ZNF804A: variants seen among roughly 807,000 people sequenced by gnomAD.
The protein encoded by ZNF804A is zinc finger protein 804A.
In ZNF804A, 2 loss-of-function variants were observed where a neutral mutation model predicts 16.5. The ratio of observed to expected loss-of-function variants is 0.12; its 90% CI spans 0.05 to 0.38. The LOEUF is 0.38. ZNF804A is among the 10% of genes least tolerant of loss of function. The probability of loss-of-function intolerance (pLI) is 0.99; values close to 1 mark genes in which losing one functional copy is unlikely to be tolerated. For synonymous variants in ZNF804A, 534 were observed against 489.6 expected (o/e 1.09, Z -1.20); for missense variants, 1,473 against 1,390.7 (o/e 1.06, Z -0.94).
intron 2 of ZNF804A, among the ~76,000 whole-genome samples, chr2:184,926,743 ATCTTCAAGC>A (rs1015072816): frequency 1.9e-4 from 29 of 152,108 alleles, no homozygotes; most frequent in Non-Finnish European, 2.9e-5. Flanking sequence ...TAAATAGCCT[ATCTTCAAGC>A]TCACTAATTT....
At chr2:184,694,341 G>A (rs894195017) in intron 1 of ZNF804A, among the ~76,000 whole-genome samples, 1 of 151,948 alleles carries the variant, frequency 6.6e-6, no homozygotes, top group Admixed American at 6.6e-5. Flanking sequence ...ACCACAAATT[G>A]TTCTTTCACA....
chr2:184,630,864 T>TA (rs915326690), intron 1 of ZNF804A, among the ~76,000 whole-genome samples: 16 of 151,074 alleles, frequency 1.1e-4, no homozygotes, highest in Middle Eastern at 3.4e-3. Context: ...TCTGTCATTT[T>TA]AAAAAAAAAT....
At chr2:184,635,404 G>A (rs1207685466) in intron 1 of ZNF804A, among the ~76,000 whole-genome samples, 3 of 152,116 alleles carry the variant, frequency 2.0e-5, no homozygotes, top group African/African-American at 7.2e-5. Context: ...CTACAGTAAA[G>A]TAACTACTGC....
chr2:184,708,534 A>C (rs1693071115), intron 1 of ZNF804A, among the ~76,000 whole-genome samples: 1 of 152,134 alleles, frequency 6.6e-6, no homozygotes. Context: ...GTCAACAAAA[A>C]TAAGCAATGA....
chr2:184,641,336 C>G (rs1691792684), intron 1 of ZNF804A, among the ~76,000 whole-genome samples: 1 of 152,098 alleles, frequency 6.6e-6, no homozygotes. Flanking sequence ...AAACATTATG[C>G]TGAACCAAAG....
At chr2:184,800,219 A>G (rs1358882764) in intron 1 of ZNF804A, among the ~76,000 whole-genome samples, 1 of 151,988 alleles carries the variant, frequency 6.6e-6, no homozygotes, top group Non-Finnish European at 1.5e-5. Flanking sequence ...CTTACTCTTC[A>G]TAAAACTAGA....
intron 1 of ZNF804A, among the ~76,000 whole-genome samples, chr2:184,612,070 A>G (rs184739289): frequency 2.6e-5 from 4 of 152,282 alleles, no homozygotes; most frequent in Admixed American, 1.3e-4. Context: ...CTTTAATGTC[A>G]TAGCTAATTA....
chr2:184,667,287 G>A (rs1360518889), intron 1 of ZNF804A, among the ~76,000 whole-genome samples: 2 of 151,808 alleles, frequency 1.3e-5, no homozygotes, highest in East Asian at 3.9e-4. Flanking sequence ...CAGATCTCTT[G>A]TATAGACTTT....
chr2:184,693,873 G>A (rs1316746112), intron 1 of ZNF804A, among the ~76,000 whole-genome samples: 1 of 146,468 alleles, frequency 6.8e-6, no homozygotes, highest in Non-Finnish European at 1.5e-5. Flanking sequence ...CTAATCTCAT[G>A]AATACTCAAC....
At chr2:184,896,439 C>T (rs1341953888) in intron 2 of ZNF804A, among the ~76,000 whole-genome samples, 1 of 152,134 alleles carries the variant, frequency 6.6e-6, no homozygotes, top group Non-Finnish European at 1.5e-5. Context: ...GTTCCTGCTT[C>T]ATTTGTCATA....
chr2:184,701,669 A>G (rs1692921602), intron 1 of ZNF804A, among the ~76,000 whole-genome samples: 1 of 151,964 alleles, frequency 6.6e-6, no homozygotes, highest in Non-Finnish European at 1.5e-5. Context: ...CTTAAAAATC[A>G]GGTTCTTTTT....
At chr2:184,771,205 A>G (rs554777521) in intron 1 of ZNF804A, among the ~76,000 whole-genome samples, 2 of 152,100 alleles carry the variant, frequency 1.3e-5, no homozygotes, top group African/African-American at 4.8e-5. Flanking sequence ...AATAGTCAAT[A>G]CTATTTCAAC....
chr2:184,808,353 T>A (rs1280785071), intron 1 of ZNF804A, among the ~76,000 whole-genome samples: 1 of 151,680 alleles, frequency 6.6e-6, no homozygotes, highest in Non-Finnish European at 1.5e-5. Flanking sequence ...ATTTTATGTC[T>A]AATTTTCAGT....
intron 1 of ZNF804A, among the ~76,000 whole-genome samples, chr2:184,850,130 A>C (rs1695579777): frequency 6.6e-6 from 1 of 151,714 alleles, no homozygotes; most frequent in Non-Finnish European, 1.5e-5. Context: ...AATGTAATTA[A>C]AATGAATAAG....
chr2:184,621,319 C>G (rs766130880), intron 1 of ZNF804A, among the ~76,000 whole-genome samples: 1 of 151,548 alleles, frequency 6.6e-6, no homozygotes, highest in Non-Finnish European at 1.5e-5. Context: ...ATGTTGATCC[C>G]AGCAACAAAT....
At chr2:184,914,739 A>T (rs2105833697) in intron 2 of ZNF804A, among the ~76,000 whole-genome samples, 1 of 152,140 alleles carries the variant, frequency 6.6e-6, no homozygotes, top group African/African-American at 2.4e-5. Flanking sequence ...AAAAGAATAA[A>T]TGATATATTT....
At chr2:184,796,145 C>T (rs1268457573) in intron 1 of ZNF804A, among the ~76,000 whole-genome samples, 1 of 151,990 alleles carries the variant, frequency 6.6e-6, no homozygotes, top group Non-Finnish European at 1.5e-5. Context: ...ATTTTAGTAT[C>T]TGTGTTCATC....
intron 1 of ZNF804A, among the ~76,000 whole-genome samples, chr2:184,793,117 T>C (rs1401610187): frequency 1.3e-5 from 2 of 152,176 alleles, no homozygotes; most frequent in African/African-American, 4.8e-5. Context: ...TCTTTTTTTG[T>C]GGCTGCATAG....
At chr2:184,648,626 G>A (rs991440640) in intron 1 of ZNF804A, among the ~76,000 whole-genome samples, 62 of 152,196 alleles carry the variant, frequency 4.1e-4, no homozygotes, top group Non-Finnish European at 8.1e-4. Context: ...ACAAAAAAGA[G>A]CAAGGGTTGC....
Sources: gnomAD v4.1 joint callset for allele counts (sites outside exome capture counted in the v4.1 genomes callset) on GRCh38, gnomAD v4.1.1 for gene constraint, MANE v1.5 for transcripts, NCBI Gene and HGNC (gene_info 2026-07-23, HGNC 2026-07-21) for gene names.